Variants in ADHFE1 observed in about 807,000 individuals in gnomAD.
ADHFE1 encodes the protein alcohol dehydrogenase iron containing 1.
Under a neutral mutation model 54.8 loss-of-function variants are expected in ADHFE1, and 37 were observed. The observed-to-expected ratio is 0.68, with a 90% CI of 0.52 to 0.89. ADHFE1 has a LOEUF of 0.89. ADHFE1 is among the 40% of genes least tolerant of loss of function. ADHFE1 has a pLI of 0.00. For synonymous variants in ADHFE1, 203 were observed against 229.3 expected (o/e 0.89, Z 1.04); for missense variants, 601 against 591.2 (o/e 1.02, Z -0.17).
At position 66,466,677 on chromosome 8, in the gene ADHFE1, G is replaced by A. The variant is rs375375657; in HGVS notation, c.1321-1592G>A. ...GACAGTGAACATCTATAAATAAGAT[G>A]TAAATGAAATCATTTCAGATAATGA... On this transcript the variant is annotated intron_variant, in intron 13 of 13. Coordinates refer to ENST00000396623, the MANE Select transcript of ADHFE1 (RefSeq NM_144650.3). 6.6e-5 allele frequency among the ~76,000 whole-genome samples: 10 copies of A among 152,330 alleles called. No homozygotes were observed. The East Asian group carries it at 1.7e-3, about 26-fold the overall frequency.
Position 66,447,296 on chromosome 8 carries a change from A to G in ADHFE1, c.583A>G (p.Thr195Ala). ...TACCTCAGGAACCGGGAGTGAAACT[A>G]CTGGGGTTGCCATTTTTGACTATGA... ...PTTSGTGSETTGVAIFDYEHL... is the reference protein window; with the variant it reads ...PTTSGTGSETAGVAIFDYEHL... The change falls in exon 7 of 14, where the codon ACT becomes GCT. Residue 195 changes from threonine to alanine, a missense_variant. Thr to Ala is a moderately conservative substitution (Grantham distance 58). Coordinates refer to ENST00000396623, the MANE Select transcript of ADHFE1 (RefSeq NM_144650.3). 1 of 1,613,718 alleles carries G rather than the reference A, an allele frequency of 6.2e-7. No homozygotes were observed. The highest frequency in any genetic ancestry group is 8.5e-7 in the Non-Finnish European group (1 of 1,179,772).
chr8:66,438,467 C>G (rs1423927961), intron 1 of ADHFE1, among the ~76,000 whole-genome samples: 1 of 152,058 alleles, frequency 6.6e-6, no homozygotes, highest in African/African-American at 2.4e-5. Context: ...GTCCTGGGAG[C>G]CAGGAAAAAG....
At chr8:66,458,690 T>C (rs975382882) in intron 12 of ADHFE1, among the ~76,000 whole-genome samples, 4 of 150,930 alleles carry the variant, frequency 2.7e-5, no homozygotes, top group African/African-American at 7.3e-5. Flanking sequence ...TTCTTCCTTC[T>C]TGAATGGGAA....
At chr8:66,454,006 G>C (rs565883755) in intron 9 of ADHFE1, 53 bp from the exon 10 acceptor site, 1 of 1,597,796 alleles carries the variant, frequency 6.3e-7, no homozygotes, top group Non-Finnish European at 8.5e-7. Context: ...TCCTTATTCT[G>C]TAGGAATTGC....
In ADHFE1 at chr8:66,444,350, CT is replaced by C. The variant is rs1805919181; in HGVS notation, c.145-12del. On this transcript the variant is annotated splice_polypyrimidine_tract_variant and intron_variant, in intron 3 of 13. Coordinates refer to ENST00000396623, the MANE Select transcript of ADHFE1 (RefSeq NM_144650.3). Reference sequence around the variant, plus strand: ...TCTCAAATACTCCCTACACCTAAACCTTTTTATTTTTTTCAGATGGCTGTTT... The same window carrying C: ...TCTCAAATACTCCCTACACCTAAACCTTTTATTTTTTTCAGATGGCTGTTT... The C allele has an allele frequency of 6.2e-7, 1 of 1,613,704 alleles. No homozygotes were observed. Among genetic ancestry groups the C allele is most frequent in the Non-Finnish European group, 8.5e-7 (1 of 1,179,704 alleles).
intron 2 of ADHFE1, 36 bp from the exon 3 acceptor site, chr8:66,442,762 A>G: frequency 6.4e-7 from 1 of 1,560,696 alleles, no homozygotes; most frequent in Non-Finnish European, 8.7e-7. Context: ...GCTTTTTTTT[A>G]AAGACCCACT....
intron 13 of ADHFE1, among the ~76,000 whole-genome samples, chr8:66,462,016 C>A (rs1056797964): frequency 6.6e-5 from 10 of 152,196 alleles, no homozygotes; most frequent in Non-Finnish European, 1.5e-4. Flanking sequence ...CCAAGCCTAC[C>A]AGCCTGTAAG....
At chr8:66,447,370 C>G (rs748936838) in intron 7 of ADHFE1, 29 bp downstream of exon 7, 1 of 1,523,330 alleles carries the variant, frequency 6.6e-7, no homozygotes, top group Non-Finnish European at 9.1e-7. Context: ...AATTATCTCC[C>G]TTACCTTTCA....
intron 7 of ADHFE1, among the ~76,000 whole-genome samples, chr8:66,448,599 G>A (rs1806148892): frequency 1.3e-5 from 2 of 152,072 alleles, no homozygotes; most frequent in South Asian, 4.1e-4. Context: ...CTCTCACCAT[G>A]GCCAGTGACA....
intron 3 of ADHFE1, 114 bp downstream of exon 3, chr8:66,442,958 A>G (rs1805835931): frequency 2.2e-6 from 2 of 915,472 alleles, no homozygotes; most frequent in African/African-American, 1.7e-5. Flanking sequence ...TTCACATTCC[A>G]TAATCTCTAT....
chr8:66,458,996 G>A (rs929391754), intron 12 of ADHFE1, among the ~76,000 whole-genome samples: 43 of 152,036 alleles, frequency 2.8e-4, no homozygotes, highest in African/African-American at 8.9e-4. Context: ...CCTTTCATCC[G>A]GCTGCTCTCC....
At chr8:66,460,531 A>T (rs1806841599) in intron 13 of ADHFE1, 66 bp downstream of exon 13, 1 of 1,505,354 alleles carries the variant, frequency 6.6e-7, no homozygotes, top group African/African-American at 1.4e-5. Context: ...GACATGCTGC[A>T]TTGATGGCGG....
rs1239401180 is a variant in ADHFE1, at chr8:66,451,982, C to G, written c.764C>G (p.Pro255Arg). 4 of 1,614,170 alleles carry G rather than the reference C, an allele frequency of 2.5e-6. 1 individual carries two copies. The South Asian group carries it at 4.4e-5, about 18-fold the overall frequency. The stretch of plus-strand genomic sequence containing the variant: ...GCCCTGGAGTCATACACCACCCTGC[C>G]CTACCACCTGCGGAGCCCCTGCCCT... ...CHALESYTTL[P>R]YHLRSPCPSN... Residue 255 changes from proline (P) to arginine (R), a missense_variant, in exon 9 of 14, where the codon CCC becomes CGC. Transcript: ENST00000396623.
At chr8:66,449,720 T>C (rs906040441) in intron 8 of ADHFE1, among the ~76,000 whole-genome samples, 1 of 152,254 alleles carries the variant, frequency 6.6e-6, no homozygotes, top group African/African-American at 2.4e-5. Context: ...TGTTCATCTA[T>C]GTGCACATGC....
intron 10 of ADHFE1, among the ~76,000 whole-genome samples, 180 bp downstream of exon 10, chr8:66,454,337 A>G (rs1806460506): frequency 6.6e-6 from 1 of 152,220 alleles, no homozygotes; most frequent in Non-Finnish European, 1.5e-5. Flanking sequence ...CAGCTAAAGT[A>G]GAAACCTAAA....
At chr8:66,452,990 A>T (rs1357603718) in intron 9 of ADHFE1, among the ~76,000 whole-genome samples, 1 of 152,242 alleles carries the variant, frequency 6.6e-6, no homozygotes, top group African/African-American at 2.4e-5. Context: ...CCACTGACAA[A>T]GGAGCCTTGG....
At chr8:66,467,240 A>T (rs1243492447) in intron 13 of ADHFE1, among the ~76,000 whole-genome samples, 2 of 152,142 alleles carry the variant, frequency 1.3e-5, no homozygotes, top group Non-Finnish European at 2.9e-5. Flanking sequence ...GATGAGTTGA[A>T]CTTGCAGAGC....
chr8:66,439,054 G>A lies in ADHFE1; in HGVS notation c.60-1108G>A, dbSNP rs1805609694. Among the ~76,000 whole-genome samples the A allele has an allele frequency of 1.3e-5, 2 of 151,500 alleles. No individual in the cohort carries two copies. Among genetic ancestry groups the A allele is most frequent in the Non-Finnish European group, 2.9e-5 (2 of 67,842 alleles). On this transcript the variant is annotated intron_variant, in intron 1 of 13. Transcript: ENST00000396623. The surrounding 1 kb of genome is among the most constrained non-coding windows in gnomAD (Gnocchi z 4.4). ...TGAAGGGACAAGCCTGGCCTGGCCC[G>A]CGTCCTCTCCCCCGGCGCGCGCGTC...
At position 66,440,213 on chromosome 8, in the gene ADHFE1, A is replaced by G. The variant is rs746254740; in HGVS notation, c.97+14A>G. ...CTTACTCCCAAGGTAATACTTCTGT[A>G]TTTTTAAACTAGCCACAATTTTGGT... is the stretch of plus-strand genomic sequence containing the variant. On this transcript the variant is annotated intron_variant, in intron 2 of 13. Coordinates refer to ENST00000396623, the MANE Select transcript of ADHFE1 (RefSeq NM_144650.3). The G allele has an allele frequency of 1.2e-6, 2 of 1,607,586 alleles. No individual in the cohort carries two copies. Among genetic ancestry groups the G allele is most frequent in the South Asian group, 1.1e-5 (1 of 89,672 alleles).
Sources: gnomAD v4.1 joint callset for allele counts (sites outside exome capture counted in the v4.1 genomes callset) on GRCh38, gnomAD v4.1.1 for gene constraint, Gnocchi (gnomAD v3.1) non-coding constraint, MANE v1.5 for transcripts, NCBI Gene and HGNC (gene_info 2026-07-23, HGNC 2026-07-21) for gene names.